PCDHGC3: variants seen among roughly 807,000 people sequenced by gnomAD.
PCDHGC3 encodes the protein protocadherin gamma subfamily C, 3.
A neutral mutation model predicts 59.2 loss-of-function variants in PCDHGC3; 26 were observed. The ratio of observed to expected loss-of-function variants is 0.44; its 90% CI spans 0.32 to 0.61. PCDHGC3 has a LOEUF of 0.61. Among genes scored for constraint, PCDHGC3 ranks in the 20% least tolerant of loss-of-function variants. The probability of loss-of-function intolerance (pLI) is 0.05; values close to 1 mark genes in which losing one functional copy is unlikely to be tolerated. For synonymous variants in PCDHGC3, 487 were observed against 519.7 expected (o/e 0.94, Z 0.86); for missense variants, 1,080 against 1,221.8 (o/e 0.88, Z 1.73).
intron 2 of PCDHGC3, among the ~76,000 whole-genome samples, chr5:141,505,092 G>A (rs965653546): frequency 5.9e-5 from 9 of 152,170 alleles, no homozygotes; most frequent in African/African-American, 2.2e-4. Flanking sequence ...AACCCAGGAG[G>A]TGGATGTTGC....
chr5:141,511,241 C>A lies in PCDHGC3; in HGVS notation c.*68C>A. On this transcript the variant is annotated 3_prime_UTR_variant, in exon 4 of 4. Coordinates refer to ENST00000308177, the MANE Select transcript of PCDHGC3 (RefSeq NM_002588.4). ...CCAGCCCAGCTTCTCCTTACCTGCA[C>A]CCAGGCCTCAGAGTTTCAGGGCTAA... 1 of 1,585,212 alleles carries A rather than the reference C, an allele frequency of 6.3e-7. No individual in the cohort carries two copies. The highest frequency in any genetic ancestry group is 8.6e-7 in the Non-Finnish European group (1 of 1,165,762).
intron 1 of PCDHGC3, among the ~76,000 whole-genome samples, chr5:141,494,392 A>C (rs1296077484): frequency 1.3e-5 from 2 of 152,258 alleles, no homozygotes; most frequent in East Asian, 3.9e-4. Flanking sequence ...GAGTTGAATA[A>C]ATTCATTCTA....
intron 1 of PCDHGC3, among the ~76,000 whole-genome samples, chr5:141,483,322 G>C (rs1325809962): frequency 1.3e-5 from 2 of 152,110 alleles, no homozygotes. Flanking sequence ...TGGGACTGGA[G>C]GCAAAGAGAT....
rs200411745 is a variant in PCDHGC3, at chr5:141,490,281, C to T, written c.2431-4526C>T. The T allele has an allele frequency of 1.2e-6, 2 of 1,614,070 alleles. No homozygotes were observed. The highest frequency in any genetic ancestry group is 1.3e-5 in the African/African-American group (1 of 74,924). On this transcript the variant is annotated intron_variant, in intron 1 of 3. Transcript: ENST00000308177. This position sits in a 1 kb window ranked among gnomAD's most constrained non-coding sequence, Gnocchi z 5.4. The stretch of plus-strand genomic sequence containing the variant: ...ATGTGGGGGATGTCAATGACAATGC[C>T]CCAGAGGTGCTATTGGCCTCTTTGG...
Position 141,477,187 on chromosome 5 carries a change from G to A in PCDHGC3, c.1071G>A (p.Val357=), listed in dbSNP as rs2154575648. ...DNAPEITVTS[V]YSPVPEDAPL... is the part of the protein sequence containing the mutation. ...CCCCGGAGATCACAGTCACCTCCGT[G>A]TACAGCCCAGTACCCGAGGATGCCC... Residue 357 remains valine, a synonymous_variant, in exon 1 of 4, where the codon GTG becomes GTA. Coordinates refer to ENST00000308177, the MANE Select transcript of PCDHGC3 (RefSeq NM_002588.4). The surrounding 1 kb of genome is among the most constrained non-coding windows in gnomAD (Gnocchi z 4.9). The A allele has an allele frequency of 6.2e-7, 1 of 1,614,190 alleles. No individual in the cohort carries two copies. The highest frequency in any genetic ancestry group is 2.2e-5 in the East Asian group (1 of 44,874).
chr5:141,506,459 A>G (rs1159808052), intron 3 of PCDHGC3, among the ~76,000 whole-genome samples: 4 of 151,918 alleles, frequency 2.6e-5, no homozygotes, highest in Non-Finnish European at 4.4e-5. Context: ...AAAAAAAAAA[A>G]AAAAAAGAGC....
At chr5:141,505,673 G>C (rs1389292278) in intron 3 of PCDHGC3, among the ~76,000 whole-genome samples, 192 bp downstream of exon 3, 1 of 152,178 alleles carries the variant, frequency 6.6e-6, no homozygotes, top group East Asian at 1.9e-4. Context: ...AGGGGTTGGG[G>C]GTCCTGGGAT....
Position 141,489,557 on chromosome 5 carries a change from T to C in PCDHGC3, c.2431-5250T>C, listed in dbSNP as rs150797955. 54 of 1,613,956 alleles carry C rather than the reference T, an allele frequency of 3.3e-5. 1 individual carries two copies. Among genetic ancestry groups the C allele is most frequent in the Non-Finnish European group, 4.3e-5 (51 of 1,180,004 alleles). On this transcript the variant is annotated intron_variant, in intron 1 of 3. Coordinates refer to ENST00000308177, the MANE Select transcript of PCDHGC3 (RefSeq NM_002588.4). The surrounding 1 kb of genome is among the most constrained non-coding windows in gnomAD (Gnocchi z 4.5). ...GCCAGCACCAGCTGCCTGCTGCCAG[T>C]GCAGGTGGTGACTGAACACCCCCTG...
chr5:141,482,885 A>G (rs1353686606), intron 1 of PCDHGC3, among the ~76,000 whole-genome samples: 2 of 152,202 alleles, frequency 1.3e-5, no homozygotes. Flanking sequence ...CAGCCTGGCC[A>G]ACATGGTGAA....
At chr5:141,509,544 A>AT (rs1312201678) in intron 3 of PCDHGC3, among the ~76,000 whole-genome samples, 1 of 152,150 alleles carries the variant, frequency 6.6e-6, no homozygotes, top group Non-Finnish European at 1.5e-5. Context: ...GCACCATCTC[A>AT]TTTAGTCCTC....
At chr5:141,499,287 C>T (rs896428388) in intron 2 of PCDHGC3, among the ~76,000 whole-genome samples, 3 of 152,184 alleles carry the variant, frequency 2.0e-5, no homozygotes, top group Non-Finnish European at 2.9e-5. Context: ...CTGATGGCTC[C>T]ACACTACCAT....
rs1379875429 is a variant in PCDHGC3 at position 141,491,125 on chromosome 5, C to T, written c.2431-3682C>T. 3.1e-6 allele frequency: 5 copies of T among 1,614,020 alleles called. No homozygotes were observed. The highest frequency in any genetic ancestry group is 4.2e-6 in the Non-Finnish European group (5 of 1,179,992). ...CGTGTCTACACACACTGGTGAGGTG[C>T]GCACAGCCCGGGCCTTACTGGAGGA... On this transcript the variant is annotated intron_variant, in intron 1 of 3. Coordinates refer to ENST00000308177, the MANE Select transcript of PCDHGC3 (RefSeq NM_002588.4). The surrounding 1 kb of genome is among the most constrained non-coding windows in gnomAD (Gnocchi z 6.9).
rs747509171 is a variant in PCDHGC3, at chr5:141,477,069, A to G, written c.953A>G (p.His318Arg). The stretch of plus-strand genomic sequence containing the variant: ...CTGGACTTCGAGGACACCAAACTCC[A>G]TGAGATTTACATCCAGGCCAAAGAC... ...GRLDFEDTKLHEIYIQAKDKG... is the reference protein window; with the variant it reads ...GRLDFEDTKLREIYIQAKDKG... Residue 318 changes from histidine to arginine, a missense_variant, in exon 1 of 4, where the codon CAT (histidine) becomes CGT (arginine). Physicochemically the swap from His to Arg is conservative, Grantham distance 29. Coordinates refer to ENST00000308177, the MANE Select transcript of PCDHGC3 (RefSeq NM_002588.4). The surrounding 1 kb of genome is among the most constrained non-coding windows in gnomAD (Gnocchi z 4.9). 7 of 1,614,246 alleles carry G rather than the reference A, an allele frequency of 4.3e-6. No homozygotes were observed. The highest frequency in any genetic ancestry group is 5.9e-6 in the Non-Finnish European group (7 of 1,180,026).
chr5:141,490,181 G>T lies in PCDHGC3; in HGVS notation c.2431-4626G>T, dbSNP rs755899660. ...GGTCCCATAGACTTTGAGGAGTCAC[G>T]TTTCTATGAAATTCATGCAAGAGCC... is the stretch of plus-strand genomic sequence containing the variant. On this transcript the variant is annotated intron_variant, in intron 1 of 3. Coordinates refer to ENST00000308177, the MANE Select transcript of PCDHGC3 (RefSeq NM_002588.4). The surrounding 1 kb of genome is among the most constrained non-coding windows in gnomAD (Gnocchi z 5.4). The T allele has an allele frequency of 6.2e-7, 1 of 1,614,200 alleles. No individual in the cohort carries two copies. The highest frequency in any genetic ancestry group is 8.5e-7 in the Non-Finnish European group (1 of 1,180,030).
In PCDHGC3 at chr5:141,490,795, C is replaced by A; in HGVS notation, c.2431-4012C>A. The A allele has an allele frequency of 1.3e-5, 21 of 1,614,036 alleles. No homozygotes were observed. Among genetic ancestry groups the A allele is most frequent in the Non-Finnish European group, 1.8e-5 (21 of 1,179,922 alleles). On this transcript the variant is annotated intron_variant, in intron 1 of 3. Coordinates refer to ENST00000308177, the MANE Select transcript of PCDHGC3 (RefSeq NM_002588.4). This position sits in a 1 kb window ranked among gnomAD's most constrained non-coding sequence, Gnocchi z 5.4. ...CCCAGAGGATGGACGGATCTTTGCC[C>A]AGCGTACCTTTGACTATGAATTGCT...
At chr5:141,503,309 A>G (rs2099819130) in intron 2 of PCDHGC3, among the ~76,000 whole-genome samples, 1 of 152,034 alleles carries the variant, frequency 6.6e-6, no homozygotes, top group Non-Finnish European at 1.5e-5. Flanking sequence ...TCAAGAAAGA[A>G]TTGTTGGAGG....
At position 141,485,122 on chromosome 5, in the gene PCDHGC3, G is replaced by C. The variant is rs1000179570; in HGVS notation, c.2430+6576G>C. The stretch of plus-strand genomic sequence containing the variant: ...CAGCTGCTGTGGCTGTTTGGGGCGG[G>C]TCGGCTTCATCCGCGTCTCAGGAGC... On this transcript the variant is annotated intron_variant, in intron 1 of 3. Transcript: ENST00000308177. This position sits in a 1 kb window ranked among gnomAD's most constrained non-coding sequence, Gnocchi z 5.7. The C allele has an allele frequency of 4.3e-6, 6 of 1,387,506 alleles. No individual in the cohort carries two copies. In the African/African-American group the frequency reaches 8.5e-5, roughly 20 times the overall value. The allele number at this position is 1,387,506 out of a possible 1,614,324, so 85.9% of individuals were successfully genotyped here. A position where few individuals can be genotyped will look rare whatever the true frequency, so the allele number is the denominator to read the frequency against.
At position 141,493,202 on chromosome 5, in the gene PCDHGC3, A is replaced by G. The variant is rs1246390819; in HGVS notation, c.2431-1605A>G. Among the ~76,000 whole-genome samples, 1 of 152,196 alleles carries G rather than the reference A, an allele frequency of 6.6e-6. No individual in the cohort carries two copies. ...ACTATATAACTCCTTTGAGAACCTC[A>G]TCTCATTTGCTCTTCCCACCATTGC... On this transcript the variant is annotated intron_variant, in intron 1 of 3. Transcript: ENST00000308177. The surrounding 1 kb of genome is among the most constrained non-coding windows in gnomAD (Gnocchi z 4.3).
Position 141,490,688 on chromosome 5 carries a change from C to G in PCDHGC3, c.2431-4119C>G. 1 of 1,614,218 alleles carries G rather than the reference C, an allele frequency of 6.2e-7. No individual in the cohort carries two copies. Among genetic ancestry groups the G allele is most frequent in the Non-Finnish European group, 8.5e-7 (1 of 1,180,032 alleles). On this transcript the variant is annotated intron_variant, in intron 1 of 3. Coordinates refer to ENST00000308177, the MANE Select transcript of PCDHGC3 (RefSeq NM_002588.4). The surrounding 1 kb of genome is among the most constrained non-coding windows in gnomAD (Gnocchi z 5.4). ...ACTGTGGCTGCCTCAGATCCAGACA[C>G]TGGGGATAATGCCCGCCTCACCTAC...
Sources: gnomAD v4.1 joint callset for allele counts (sites outside exome capture counted in the v4.1 genomes callset) on GRCh38, gnomAD v4.1.1 for gene constraint, Gnocchi (gnomAD v3.1) non-coding constraint, MANE v1.5 for transcripts, NCBI Gene and HGNC (gene_info 2026-07-23, HGNC 2026-07-21) for gene names.